The following TCTN1 variants were observed in gnomAD, a reference collection of about 807,000 sequenced individuals.
The protein encoded by TCTN1 is tectonic family member 1.
Under a neutral mutation model 65.8 loss-of-function variants are expected in TCTN1, and 58 were observed. The observed-to-expected ratio is 0.88, with a 90% confidence interval of 0.71 to 1.10. TCTN1 has a LOEUF of 1.10. Among genes scored for constraint, TCTN1 ranks in the 50% least tolerant of loss-of-function variants. TCTN1 has a pLI of 0.00. For synonymous variants in TCTN1, 273 were observed against 289.1 expected (o/e 0.94, Z 0.57); for missense variants, 645 against 719.4 (o/e 0.90, Z 1.18).
intron 4 of TCTN1, 28 bp from the exon 5 acceptor site, chr12:110,632,444 T>C (rs748019534): frequency 1.2e-6 from 2 of 1,611,836 alleles, no homozygotes; most frequent in Non-Finnish European, 1.7e-6. Flanking sequence ...AATTACACCA[T>C]AACGACTGTT....
chr12:110,642,203 C>G (rs183268605), intron 10 of TCTN1, 46 bp from the exon 11 acceptor site: 209 of 1,613,204 alleles, frequency 1.3e-4, no homozygotes, highest in Non-Finnish European at 1.7e-4. Context: ...ACCTGAGAAC[C>G]AGGCTGCTCT....
intron 2 of TCTN1, among the ~76,000 whole-genome samples, chr12:110,620,806 G>C (rs927195441): frequency 1.4e-5 from 2 of 148,052 alleles, no homozygotes; most frequent in Non-Finnish European, 3.0e-5. Flanking sequence ...AGGTTTCAAG[G>C]CTTCTTTTTT....
In TCTN1 at chr12:110,647,730, A is replaced by G. The variant is rs1566015100; in HGVS notation, c.1636-19A>G. ...GAGCACACTGGAGGGTGGGCCTTGC[A>G]TCTCTCTGTTTATTACAGGCCAACT... On this transcript the variant is annotated intron_variant, in intron 13 of 14. Transcript: ENST00000397659. The G allele has an allele frequency of 2.5e-6, 4 of 1,614,050 alleles. No individual in the cohort carries two copies. The Admixed American group carries it at 5.0e-5, about 20-fold the overall frequency.
intron 7 of TCTN1, among the ~76,000 whole-genome samples, chr12:110,637,589 CTG>C (rs1413424006): frequency 6.6e-6 from 1 of 152,196 alleles, no homozygotes; most frequent in Non-Finnish European, 1.5e-5. Flanking sequence ...AACACACAGA[CTG>C]AATGTGGAGC....
chr12:110,636,430 ACTT>A (rs771021088), intron 6 of TCTN1, 48 bp from the exon 7 acceptor site: 2 of 1,226,422 alleles, frequency 1.6e-6, no homozygotes, highest in Admixed American at 1.8e-5. Flanking sequence ...CAATGAAAAT[ACTT>A]CTTTTTGTTG....
chr12:110,634,776 G>T lies in TCTN1; in HGVS notation c.819G>T (p.Leu273=). The part of the protein sequence containing the change: ...SMAFYSSPEI[L]RVPDSRKKVP... ...CTTTTTACAGCAGCCCGGAAATTCTGAGGGTAAGAATTATTTTGAAGTGGA... is the reference window on the plus strand; with the variant it reads ...CTTTTTACAGCAGCCCGGAAATTCTTAGGGTAAGAATTATTTTGAAGTGGA... Residue 273 remains leucine (L), a synonymous_variant, in exon 6 of 15, where the codon CTG becomes CTT. Transcript: ENST00000397659. 2 of 1,605,092 alleles carry T rather than the reference G, an allele frequency of 1.2e-6. No individual in the cohort carries two copies. Among genetic ancestry groups the T allele is most frequent in the Non-Finnish European group, 1.7e-6 (2 of 1,174,372 alleles).
chr12:110,624,646 C>T (rs1353566856), intron 2 of TCTN1, among the ~76,000 whole-genome samples: 7 of 151,646 alleles, frequency 4.6e-5, no homozygotes, highest in South Asian at 4.2e-4. Context: ...TGCAGTGGCA[C>T]GATCTTGGCT....
chr12:110,616,250 C>G (rs1031246633), intron 1 of TCTN1: 2 of 445,346 alleles, frequency 4.5e-6, no homozygotes, highest in South Asian at 1.6e-5. Context: ...TGTCCTCACA[C>G]TTTATTTTTT....
chr12:110,629,358 G>C (rs761120922), intron 4 of TCTN1: 2 of 170,730 alleles, frequency 1.2e-5, no homozygotes, highest in African/African-American at 2.4e-5. Context: ...ATGACAAAGG[G>C]CTAATATCCA....
intron 1 of TCTN1, among the ~76,000 whole-genome samples, chr12:110,615,348 C>A (rs747986924): frequency 2.0e-5 from 3 of 152,120 alleles, no homozygotes; most frequent in Non-Finnish European, 4.4e-5. Flanking sequence ...GTGAATATGC[C>A]TTTTCCTGAG....
Position 110,649,349 on chromosome 12 carries a change from C to T in TCTN1, c.*308C>T, listed in dbSNP as rs1367284118. ...AGCGGCCCAGGAGGGGCAGCTGTTC[C>T]TCTCGTGACAGCACAGGCCCATGAG... On this transcript the variant is annotated 3_prime_UTR_variant, in exon 15 of 15. Coordinates refer to ENST00000397659, the MANE Select transcript of TCTN1 (RefSeq NM_001082538.3). 5.7e-6 allele frequency: 8 copies of T among 1,398,344 alleles called. No individual in the cohort carries two copies. The highest frequency in any genetic ancestry group is 4.7e-5 in the East Asian group (2 of 42,550). The allele number at this position is 1,398,344 out of a possible 1,614,324, so 86.6% of individuals were successfully genotyped here. A position where few individuals can be genotyped will look rare whatever the true frequency, so the allele number is the denominator to read the frequency against.
Position 110,649,288 on chromosome 12 carries a change from G to A in TCTN1, c.*247G>A. 1 of 753,630 alleles carries A rather than the reference G, an allele frequency of 1.3e-6. No homozygotes were observed. Among genetic ancestry groups the A allele is most frequent in the Non-Finnish European group, 2.3e-6 (1 of 425,876 alleles). The allele number at this position is 753,630 out of a possible 1,614,324, so 46.7% of individuals were successfully genotyped here. A position where few individuals can be genotyped will look rare whatever the true frequency, so the allele number is the denominator to read the frequency against. ...GTCCACCCAGAATCCATGCTGGCAG[G>A]AGGGAGGCAGAGGTATCAAACCAAA... On this transcript the variant is annotated 3_prime_UTR_variant, in exon 15 of 15. Coordinates refer to ENST00000397659, the MANE Select transcript of TCTN1 (RefSeq NM_001082538.3).
At chr12:110,620,591 G>A (rs1271447083) in intron 2 of TCTN1, among the ~76,000 whole-genome samples, 2 of 152,090 alleles carry the variant, frequency 1.3e-5, no homozygotes, top group Non-Finnish European at 2.9e-5. Flanking sequence ...GTATAGCCTA[G>A]GGTGAAAAGT....
At chr12:110,636,557 T>G in intron 7 of TCTN1, 56 bp downstream of exon 7, 1 of 1,055,204 alleles carries the variant, frequency 9.5e-7, no homozygotes, top group Non-Finnish European at 1.4e-6. Flanking sequence ...TAATACTGTC[T>G]TATTTCTGAG....
In TCTN1 at chr12:110,614,418, C is replaced by T. The variant is rs1208168705; in HGVS notation, c.220+16C>T. The T allele has an allele frequency of 6.3e-7, 1 of 1,581,994 alleles. No individual in the cohort carries two copies. Among genetic ancestry groups the T allele is most frequent in the Non-Finnish European group, 8.6e-7 (1 of 1,163,838 alleles). ...GTCACGGACGGTGGGTACCATGTGC[C>T]AGCTCCTGGAGTCCACAGTGATCCA... On this transcript the variant is annotated intron_variant, in intron 1 of 14. Coordinates refer to ENST00000397659, the MANE Select transcript of TCTN1 (RefSeq NM_001082538.3).
intron 2 of TCTN1, among the ~76,000 whole-genome samples, chr12:110,621,096 C>T (rs920793300): frequency 2.6e-5 from 4 of 152,292 alleles, no homozygotes; most frequent in Admixed American, 6.5e-5. Context: ...TAAGCCAACG[C>T]GCCCAGCTTC....
rs192869997 is a variant in TCTN1 at position 110,633,544 on chromosome 12, G to A, written c.712+985G>A. 1.2e-4 allele frequency among the ~76,000 whole-genome samples: 18 copies of A among 152,170 alleles called. 1 individual carries two copies. Among genetic ancestry groups the A allele is most frequent in the Admixed American group, 9.2e-4 (14 of 15,270 alleles). ...TCCAGCTACTCAGGAGGCTGAGGTA[G>A]GAGGATTGCTTGAGCCAGGGAGGTG... On this transcript the variant is annotated intron_variant, in intron 5 of 14. Coordinates refer to ENST00000397659, the MANE Select transcript of TCTN1 (RefSeq NM_001082538.3).
chr12:110,628,089 G>C lies in TCTN1; in HGVS notation c.473-678G>C, dbSNP rs2065974059. 2.6e-6 allele frequency: 4 copies of C among 1,535,928 alleles called. No individual in the cohort carries two copies. The African/African-American group carries it at 4.1e-5, about 16-fold the overall frequency. On this transcript the variant is annotated intron_variant, in intron 3 of 14. Transcript: ENST00000397659. ...CAGGACTTTCACGGTGGCTGTGTGA[G>C]AGTAGAAGTCGGATTCTTTCATTCC...
intron 6 of TCTN1, chr12:110,635,680 C>A (rs1419531365): frequency 6.6e-6 from 1 of 152,234 alleles, no homozygotes; most frequent in Non-Finnish European, 1.5e-5. Context: ...CAGAAACATA[C>A]GATTATTGTC....
Sources: allele counts gnomAD v4.1 joint callset (sites outside exome capture counted in the v4.1 genomes callset), GRCh38; gene constraint gnomAD v4.1.1; transcripts MANE v1.5; gene names NCBI Gene and HGNC (gene_info 2026-07-23, HGNC 2026-07-21).